The following DHRSX variants were observed in gnomAD, a reference collection of about 807,000 sequenced individuals.
DHRSX encodes the protein polyprenol dehydrogenase.
Under a neutral mutation model 34.0 loss-of-function variants are expected in DHRSX, and 31 were observed. The ratio of observed to expected loss-of-function variants is 0.91; its 90% CI spans 0.69 to 1.23. The LOEUF (loss-of-function observed/expected upper bound fraction) is 1.23, where lower values mean the gene tolerates loss of function less well. Among genes scored for constraint, DHRSX ranks in the 50% most tolerant of loss-of-function variants. The pLI, the probability that DHRSX is intolerant of heterozygous loss-of-function variation, is 0.00. For synonymous variants in DHRSX, 201 were observed against 183.8 expected (o/e 1.09, Z -0.76); for missense variants, 414 against 428.1 (o/e 0.97, Z 0.29).
chrX:2,479,585 G>A (rs927482744), intron 1 of DHRSX, among the ~76,000 whole-genome samples: 4 of 140,144 alleles, frequency 2.9e-5, no homozygotes, highest in African/African-American at 8.1e-5. Context: ...GCCAAGGGAC[G>A]GCACTTAAGA....
chrX:2,475,272 T>G (rs1424807459), intron 1 of DHRSX, among the ~76,000 whole-genome samples: 1 of 150,512 alleles, frequency 6.6e-6, no homozygotes, highest in Non-Finnish European at 1.5e-5. Context: ...TGTATACAAC[T>G]GAAGACGTTC....
At chrX:2,314,483 A>AAGGGGAGAAGGAAGGGAGGAAGGAATGG (rs1556466908) in intron 3 of DHRSX, among the ~76,000 whole-genome samples, 1 of 45,982 alleles carries the variant, frequency 2.2e-5, no homozygotes, top group Non-Finnish European at 4.7e-5. Flanking sequence ...GGAAGGAAGG[A>AAGGGGAGAAGGAAGGGAGGAAGGAATGG]AGGAAGGGAG....
At chrX:2,468,717 G>A (rs1303682563) in intron 1 of DHRSX, among the ~76,000 whole-genome samples, 2 of 151,628 alleles carry the variant, frequency 1.3e-5, no homozygotes, top group African/African-American at 4.9e-5. Flanking sequence ...GCAGCCAAAG[G>A]ACGGCACTGA....
intron 1 of DHRSX, among the ~76,000 whole-genome samples, chrX:2,445,383 A>G (rs1203128548): frequency 6.6e-6 from 1 of 152,090 alleles, no homozygotes; most frequent in Non-Finnish European, 1.5e-5. Context: ...TCACCTTCAA[A>G]ACAAGGAGCG....
chrX:2,496,804 T>G (rs748729867), intron 1 of DHRSX, among the ~76,000 whole-genome samples: 2 of 150,558 alleles, frequency 1.3e-5, no homozygotes, highest in South Asian at 4.2e-4. Context: ...ATCAATTGTT[T>G]TTATTTACAT....
chrX:2,364,201 C>A (rs1299924932), intron 3 of DHRSX, among the ~76,000 whole-genome samples: 1 of 152,184 alleles, frequency 6.6e-6, no homozygotes, highest in African/African-American at 2.4e-5. Context: ...TAGGGATCTA[C>A]ATCAGTGGTT....
At chrX:2,226,767 C>A (rs1411339861) in intron 6 of DHRSX, among the ~76,000 whole-genome samples, 1 of 151,802 alleles carries the variant, frequency 6.6e-6, no homozygotes, top group East Asian at 1.9e-4. Flanking sequence ...TGCACTCCAG[C>A]CTGGGCGACA....
intron 3 of DHRSX, among the ~76,000 whole-genome samples, chrX:2,292,209 G>A (rs2041875108): frequency 6.6e-6 from 1 of 152,142 alleles, no homozygotes. Context: ...AGCGCCTTGG[G>A]GCCAGAACCT....
chrX:2,468,282 G>A (rs150373991), intron 1 of DHRSX, among the ~76,000 whole-genome samples: 4,999 of 152,226 alleles, frequency 0.033, 108 homozygotes, highest in Admixed American at 0.054. Context: ...GGGGAAGAAG[G>A]ATGTGGACCG....
intron 1 of DHRSX, among the ~76,000 whole-genome samples, chrX:2,446,467 C>T (rs2044136975): frequency 6.6e-6 from 1 of 151,444 alleles, no homozygotes; most frequent in Non-Finnish European, 1.5e-5. Flanking sequence ...AAGACGGTCT[C>T]GAGGCTTGTG....
intron 3 of DHRSX, among the ~76,000 whole-genome samples, chrX:2,360,207 CA>C (rs199687991): frequency 2.0e-5 from 3 of 149,948 alleles, no homozygotes; most frequent in Non-Finnish European, 3.0e-5. Flanking sequence ...GACATAGAAG[CA>C]AAAAAAAAGA....
chrX:2,363,906 C>A (rs1395750396), intron 3 of DHRSX, among the ~76,000 whole-genome samples: 1 of 152,110 alleles, frequency 6.6e-6, no homozygotes, highest in Non-Finnish European at 1.5e-5. Context: ...ACAAAACCGG[C>A]CCAGGATCCT....
At chrX:2,489,596 A>G (rs1157262974) in intron 1 of DHRSX, 1 of 1,612,550 alleles carries the variant, frequency 6.2e-7, no homozygotes, top group Non-Finnish European at 8.5e-7. Flanking sequence ...GTCCTCCACC[A>G]AGACCCCGGC....
intron 3 of DHRSX, among the ~76,000 whole-genome samples, chrX:2,373,125 T>C (rs1432421681): frequency 1.3e-5 from 2 of 152,296 alleles, no homozygotes; most frequent in South Asian, 2.1e-4. Flanking sequence ...AAATGGCTCC[T>C]GTAGGGGAAC....
chrX:2,369,120 G>C (rs1343943117), intron 3 of DHRSX, among the ~76,000 whole-genome samples: 1 of 152,118 alleles, frequency 6.6e-6, no homozygotes, highest in Admixed American at 6.6e-5. Flanking sequence ...CCTACCAAGG[G>C]GGAAAGAGCT....
chrX:2,332,214 C>G (rs957751559), intron 3 of DHRSX, among the ~76,000 whole-genome samples: 3 of 152,102 alleles, frequency 2.0e-5, no homozygotes, highest in Admixed American at 1.3e-4. Flanking sequence ...TTGAAAAGAT[C>G]ATGGTGACAT....
intron 6 of DHRSX, among the ~76,000 whole-genome samples, chrX:2,240,362 A>G (rs993772193): frequency 2.6e-5 from 4 of 152,100 alleles, no homozygotes; most frequent in Non-Finnish European, 5.9e-5. Context: ...TCGAAGAACA[A>G]CTGATAAGAA....
chrX:2,411,565 A>G, intron 2 of DHRSX, among the ~76,000 whole-genome samples: 1 of 148,340 alleles, frequency 6.7e-6, no homozygotes, highest in East Asian at 2.0e-4. Context: ...AAAAAAAAAA[A>G]AAAAAAAAAA....
At chrX:2,446,037 T>G (rs1237571614) in intron 1 of DHRSX, among the ~76,000 whole-genome samples, 2 of 151,406 alleles carry the variant, frequency 1.3e-5, no homozygotes, top group African/African-American at 4.9e-5. Flanking sequence ...CTAAAGACAT[T>G]CCCTAAGTTT....
Sources: allele counts gnomAD v4.1 joint callset (sites outside exome capture counted in the v4.1 genomes callset), GRCh38; gene constraint gnomAD v4.1.1; transcripts MANE v1.5; gene names NCBI Gene and HGNC (gene_info 2026-07-23, HGNC 2026-07-21).